The following CSMD1 variants were observed in gnomAD, a reference collection of about 807,000 sequenced individuals.
CSMD1 encodes the protein CUB and Sushi multiple domains 1.
A neutral mutation model predicts 417.5 loss-of-function variants in CSMD1; 213 were observed. The ratio of observed to expected loss-of-function variants is 0.51; its 90% confidence interval spans 0.46 to 0.57. CSMD1 has a LOEUF of 0.57. Ranked by LOEUF, CSMD1 falls within the 20% of genes least tolerant of loss-of-function variation. CSMD1 has a pLI of 0.00. For missense variants in CSMD1, 6,923 were observed against 4,529.7 expected, an observed-to-expected ratio of 1.53 and a Z score of -15.17; for synonymous variants, 2,862 against 1,736.8, an observed-to-expected ratio of 1.65 and a Z score of -16.11.
rs142402420 is a variant in CSMD1, at chr8:4,263,288, C to T, written c.415+156665G>A. 5.6e-3 allele frequency among the ~76,000 whole-genome samples: 852 copies of T among 152,148 alleles called. 7 individuals are homozygous for T. Among genetic ancestry groups the T allele is most frequent in the African/African-American group, 0.02 (812 of 41,496 alleles). The stretch of plus-strand genomic sequence containing the variant: ...GTTAGATTTCTTAAACAAAAATGTA[C>T]GGTACAGATTTACTCCTCCCACCAA... On this transcript the variant is annotated intron_variant, in intron 3 of 69. Transcript: ENST00000635120.
intron 25 of CSMD1, among the ~76,000 whole-genome samples, chr8:3,291,615 G>C (rs984370111): frequency 2.0e-5 from 3 of 152,204 alleles, no homozygotes; most frequent in Admixed American, 6.5e-5. Flanking sequence ...TATTTGCATA[G>C]AGGTGTTTAT....
At chr8:3,427,816 G>T (rs1813951409) in intron 12 of CSMD1, among the ~76,000 whole-genome samples, 1 of 152,166 alleles carries the variant, frequency 6.6e-6, no homozygotes, top group South Asian at 2.1e-4. Context: ...CCTCTCTAGA[G>T]GACCAATTGC....
chr8:3,676,394 C>T (rs145711452), intron 7 of CSMD1, among the ~76,000 whole-genome samples: 173 of 152,248 alleles, frequency 1.1e-3, no homozygotes, highest in East Asian at 9.7e-3. Context: ...AACTTATATA[C>T]CAAGCACCAT....
At chr8:4,949,151 T>C (rs559177007) in intron 1 of CSMD1, among the ~76,000 whole-genome samples, 1 of 152,280 alleles carries the variant, frequency 6.6e-6, no homozygotes, top group Admixed American at 6.5e-5. Context: ...GCCTTTGTAT[T>C]CTTAGGATAA....
intron 1 of CSMD1, among the ~76,000 whole-genome samples, chr8:4,948,060 T>C (rs1362939053): frequency 6.6e-6 from 1 of 151,358 alleles, no homozygotes; most frequent in Admixed American, 6.6e-5. Flanking sequence ...GATACCATAG[T>C]AGTAGAATTT....
intron 2 of CSMD1, among the ~76,000 whole-genome samples, chr8:4,466,384 A>G (rs542100826): frequency 6.6e-6 from 1 of 152,262 alleles, no homozygotes; most frequent in African/African-American, 2.4e-5. Flanking sequence ...TGTATCGGGG[A>G]GTTGAAGAAA....
chr8:3,611,468 C>T (rs988667396), intron 8 of CSMD1, among the ~76,000 whole-genome samples: 2 of 152,000 alleles, frequency 1.3e-5, no homozygotes, highest in African/African-American at 4.8e-5. Flanking sequence ...ACTATCACTG[C>T]TAAGATTGGA....
chr8:3,870,384 T>A (rs1325394430), intron 5 of CSMD1, among the ~76,000 whole-genome samples: 1 of 152,194 alleles, frequency 6.6e-6, no homozygotes, highest in Non-Finnish European at 1.5e-5. Context: ...ATACCTCTTT[T>A]TTCCCCCAGC....
Position 3,369,342 on chromosome 8 carries a change from C to G in CSMD1, c.2811G>C (p.Lys937Asn), listed in dbSNP as rs115021133. 3,000 of 1,597,798 alleles carry G rather than the reference C, an allele frequency of 1.9e-3. 41 individuals carry two copies. In the African/African-American group the frequency reaches 0.036, roughly 19 times the overall value. ...DALCGGYIQG[K>N]SGTVLSPGFP... ...ACCCAGGAGAAAGGACTGTTCCACT[C>G]TTCCCTTGGATGTAGCCTCCACATA... Residue 937 changes from lysine (K) to asparagine (N), a missense_variant, in exon 19 of 70, where the codon AAG becomes AAC. Lys to Asn is a moderately conservative substitution (Grantham distance 94). Transcript: ENST00000635120.
At chr8:4,334,234 A>G (rs1399349395) in intron 3 of CSMD1, among the ~76,000 whole-genome samples, 1 of 152,050 alleles carries the variant, frequency 6.6e-6, no homozygotes. Context: ...ATCATCCAAT[A>G]ACTTAATGTG....
rs1014108389 is a variant in CSMD1, at chr8:4,752,900, C to T, written c.86-115342G>A. ...TTTCTCCCAAAGATCCTGCACCACACTTTCCAGCGCTATTACAGGGCTTCC... is the reference window on the plus strand; with the variant it reads ...TTTCTCCCAAAGATCCTGCACCACATTTTCCAGCGCTATTACAGGGCTTCC... On this transcript the variant is annotated intron_variant, in intron 1 of 69. Coordinates refer to ENST00000635120, the MANE Select transcript of CSMD1 (RefSeq NM_033225.6). Among the ~76,000 whole-genome samples the T allele has an allele frequency of 1.3e-5, 2 of 152,188 alleles. 1 individual carries two copies.
chr8:4,659,175 T>G lies in CSMD1; in HGVS notation c.86-21617A>C, dbSNP rs139830203. ...AAATAAAAAGTTTCCTGGAGACAAA[T>G]GAAAACGAGGACACACAAAAATATA... On this transcript the variant is annotated intron_variant, in intron 1 of 69. Coordinates refer to ENST00000635120, the MANE Select transcript of CSMD1 (RefSeq NM_033225.6). Among the ~76,000 whole-genome samples the G allele has an allele frequency of 3.3e-5, 5 of 151,844 alleles. No homozygotes were observed. The South Asian group carries it at 1.0e-3, about 32-fold the overall frequency.
rs962834338 is a variant in CSMD1 at position 4,216,850 on chromosome 8, C to A, written c.416-184751G>T. Among the ~76,000 whole-genome samples the A allele has an allele frequency of 4.6e-5, 7 of 152,254 alleles. No individual in the cohort carries two copies. The South Asian group carries it at 6.2e-4, about 14-fold the overall frequency. On this transcript the variant is annotated intron_variant, in intron 3 of 69. Transcript: ENST00000635120. ...GTAAACATGAGGATGGGGTGTCAGA[C>A]CCACACCAGCTTGACAGTCTCCCTT...
chr8:4,203,140 C>A (rs1035355406), intron 3 of CSMD1, among the ~76,000 whole-genome samples: 1 of 152,146 alleles, frequency 6.6e-6, no homozygotes, highest in African/African-American at 2.4e-5. Context: ...AAGCTGAAAA[C>A]CTTTTCTGGC....
chr8:3,752,689 A>AAAAC (rs1797412313), intron 6 of CSMD1, among the ~76,000 whole-genome samples: 1 of 66,322 alleles, frequency 1.5e-5, no homozygotes, highest in East Asian at 4.0e-4. Flanking sequence ...AAAAAAAAAA[A>AAAAC]AAAAAAAAAA....
At chr8:3,651,082 G>C (rs1214074422) in intron 7 of CSMD1, among the ~76,000 whole-genome samples, 1 of 152,058 alleles carries the variant, frequency 6.6e-6, no homozygotes, top group Non-Finnish European at 1.5e-5. Flanking sequence ...TTCAAGATTC[G>C]TGCATACAAT....
intron 26 of CSMD1, among the ~76,000 whole-genome samples, chr8:3,254,498 A>G (rs1319951231): frequency 6.6e-6 from 1 of 152,180 alleles, no homozygotes; most frequent in Non-Finnish European, 1.5e-5. Flanking sequence ...TCTCCCTGTC[A>G]CTTTCAGGTA....
At position 4,315,447 on chromosome 8, in the gene CSMD1, G is replaced by A. The variant is rs562850921; in HGVS notation, c.415+104506C>T. ...GCAAATATTTGTAAAATAAATCAGTGAATGCAAAAAAAATATTCCAAGGCC... is the reference window on the plus strand; with the variant it reads ...GCAAATATTTGTAAAATAAATCAGTAAATGCAAAAAAAATATTCCAAGGCC... On this transcript the variant is annotated intron_variant, in intron 3 of 69. Transcript: ENST00000635120. Among the ~76,000 whole-genome samples the A allele has an allele frequency of 1.2e-4, 18 of 151,788 alleles. No individual in the cohort carries two copies. In the South Asian group the frequency reaches 3.7e-3, roughly 32 times the overall value.
At position 3,087,135 on chromosome 8, in the gene CSMD1, C is replaced by A. The variant is rs758965157; in HGVS notation, c.7436G>T (p.Gly2479Val). ...SNATCRRNPL[G>V]MYQWDSLTPL... ...CGTGAGGGAGTCCCACTGGTACATG[C>A]CAAGTGGGTTTCGTCTACAGGTTGC... The change falls in exon 49 of 70, where the codon GGC becomes GTC. Residue 2479 changes from glycine (G) to valine (V), a missense_variant. Gly to Val is a moderately radical substitution (Grantham distance 109). Coordinates refer to ENST00000635120, the MANE Select transcript of CSMD1 (RefSeq NM_033225.6). 1 of 1,613,654 alleles carries A rather than the reference C, an allele frequency of 6.2e-7. No individual in the cohort carries two copies. Among genetic ancestry groups the A allele is most frequent in the South Asian group, 1.1e-5 (1 of 91,052 alleles).
Sources: gnomAD v4.1 joint callset for allele counts (sites outside exome capture counted in the v4.1 genomes callset) on GRCh38, gnomAD v4.1.1 for gene constraint, MANE v1.5 for transcripts, NCBI Gene and HGNC (gene_info 2026-07-23, HGNC 2026-07-21) for gene names.